Variants in RNFT2 observed in about 807,000 individuals in gnomAD.
RNFT2 encodes the protein ring finger protein, transmembrane 2, also known as E3 ubiquitin-protein ligase RNFT2.
RNFT2 carries 36 observed loss-of-function variants against 53.0 expected under a neutral mutation model. The observed-to-expected ratio is 0.68, with a 90% CI of 0.52 to 0.90. The LOEUF (loss-of-function observed/expected upper bound fraction) is 0.90, where lower values mean the gene tolerates loss of function less well. RNFT2 is among the 40% of genes least tolerant of loss of function. The pLI, the probability that RNFT2 is intolerant of heterozygous loss-of-function variation, is 0.00. For missense variants in RNFT2, 514 were observed against 585.6 expected, an observed-to-expected ratio of 0.88 and a Z score of 1.26; for synonymous variants, 260 against 253.2, an observed-to-expected ratio of 1.03 and a Z score of -0.26.
At chr12:116,804,510 A>C (rs1874952950) in intron 7 of RNFT2, among the ~76,000 whole-genome samples, 1 of 152,178 alleles carries the variant, frequency 6.6e-6, no homozygotes. Flanking sequence ...CCCCTAACTC[A>C]TGAGCAATTA....
chr12:116,820,271 A>G (rs1474422700), intron 7 of RNFT2, among the ~76,000 whole-genome samples: 2 of 152,156 alleles, frequency 1.3e-5, no homozygotes, highest in Admixed American at 6.5e-5. Context: ...TTGTAGAGAC[A>G]GGATTTCATT....
At chr12:116,814,257 G>C (rs562864417) in intron 7 of RNFT2, among the ~76,000 whole-genome samples, 1 of 152,248 alleles carries the variant, frequency 6.6e-6, no homozygotes, top group Non-Finnish European at 1.5e-5. Flanking sequence ...CCAGGACTAG[G>C]TCCCAGAAAT....
At chr12:116,806,367 CA>C (rs139305837) in intron 7 of RNFT2, among the ~76,000 whole-genome samples, 3,202 of 113,772 alleles carry the variant, frequency 0.028, 54 homozygotes, top group East Asian at 0.087. Flanking sequence ...GAGACTGTCT[CA>C]AAAAAAAAAA....
intron 7 of RNFT2, among the ~76,000 whole-genome samples, chr12:116,787,393 C>T (rs1873984999): frequency 6.6e-6 from 1 of 152,230 alleles, no homozygotes; most frequent in East Asian, 1.9e-4. Flanking sequence ...TTAACAGTAG[C>T]GTTCTTTAGA....
chr12:116,745,086 G>A (rs950077438), intron 3 of RNFT2, among the ~76,000 whole-genome samples: 3 of 151,874 alleles, frequency 2.0e-5, no homozygotes, highest in Admixed American at 6.6e-5. Context: ...TGGAGGAGGA[G>A]CGCATATTTC....
intron 7 of RNFT2, among the ~76,000 whole-genome samples, chr12:116,802,600 C>T (rs901924575): frequency 1.5e-4 from 23 of 152,186 alleles, no homozygotes; most frequent in African/African-American, 5.5e-4. Flanking sequence ...AACAATGCCA[C>T]CAGCCACCAG....
At chr12:116,788,955 G>GGGAT (rs10579273) in intron 7 of RNFT2, among the ~76,000 whole-genome samples, 107 of 138,004 alleles carry the variant, frequency 7.8e-4, no homozygotes, top group Admixed American at 2.0e-3. Context: ...TGGGAGGAGA[G>GGGAT]GGATGGATGG....
At chr12:116,763,638 A>G (rs1225019667) in intron 5 of RNFT2, among the ~76,000 whole-genome samples, 2 of 149,482 alleles carry the variant, frequency 1.3e-5, no homozygotes, top group Non-Finnish European at 1.5e-5. Context: ...AATTAGCTGG[A>G]TGTGGTGGCA....
chr12:116,819,295 TCTC>T, intron 7 of RNFT2, among the ~76,000 whole-genome samples: 1 of 152,114 alleles, frequency 6.6e-6, no homozygotes, highest in Non-Finnish European at 1.5e-5. Flanking sequence ...CAAACTGAGA[TCTC>T]CTTTGTCCGC....
chr12:116,760,944 C>T (rs750888806), intron 5 of RNFT2, among the ~76,000 whole-genome samples: 1 of 151,748 alleles, frequency 6.6e-6, no homozygotes, highest in Non-Finnish European at 1.5e-5. Context: ...AGTGGCATGA[C>T]CATAGCTCAT....
intron 10 of RNFT2, among the ~76,000 whole-genome samples, chr12:116,841,954 T>TAG (rs1292152384): frequency 4.1e-4 from 8 of 19,722 alleles, no homozygotes; most frequent in African/African-American, 6.9e-4. Context: ...TATAAATATA[T>TAG]ATATAGAGAG....
At chr12:116,844,827 G>T (rs1197137340) in intron 10 of RNFT2, among the ~76,000 whole-genome samples, 1 of 152,280 alleles carries the variant, frequency 6.6e-6, no homozygotes, top group Non-Finnish European at 1.5e-5. Flanking sequence ...ATTCTCCTAT[G>T]TAAGTACCTC....
intron 7 of RNFT2, among the ~76,000 whole-genome samples, chr12:116,818,138 G>T (rs1024381111): frequency 1.3e-5 from 2 of 152,056 alleles, no homozygotes; most frequent in Admixed American, 6.6e-5. Context: ...CAACACAGGG[G>T]AGACCCCCTC....
intron 10 of RNFT2, among the ~76,000 whole-genome samples, chr12:116,847,054 G>A (rs550422418): frequency 6.6e-5 from 10 of 151,956 alleles, no homozygotes; most frequent in African/African-American, 1.9e-4. Context: ...GACTATAGGC[G>A]TGTGCCACCA....
In RNFT2 at chr12:116,750,881, T is replaced by TA. The variant is rs1438371204; in HGVS notation, c.550+574_550+575insA. Among the ~76,000 whole-genome samples, 233 of 93,044 alleles carry TA rather than the reference T, an allele frequency of 2.5e-3. 12 individuals carry two copies. Among genetic ancestry groups the TA allele is most frequent in the Admixed American group, 6.2e-3 (47 of 7,606 alleles). The allele number at this position is 93,044 out of a possible 152,430, so 61.0% of individuals were successfully genotyped here. ...ATATTATATATATATAATATATATA[T>TA]TATATATATAATATATATATATATA... On this transcript the variant is annotated intron_variant, in intron 4 of 10. Coordinates refer to ENST00000257575, the MANE Select transcript of RNFT2 (RefSeq NM_001382266.1).
chr12:116,837,335 A>G (rs1182329682), intron 10 of RNFT2, among the ~76,000 whole-genome samples: 3 of 151,956 alleles, frequency 2.0e-5, no homozygotes, highest in African/African-American at 7.3e-5. Flanking sequence ...ACTGTGAAGC[A>G]AGGCAGGCAG....
chr12:116,811,365 A>G (rs1326401157), intron 7 of RNFT2, among the ~76,000 whole-genome samples: 1 of 127,920 alleles, frequency 7.8e-6, no homozygotes, highest in East Asian at 2.5e-4. Context: ...TAAATGCTCA[A>G]TGGGTGTATT....
chr12:116,853,270 G>A lies in RNFT2; in HGVS notation c.*3822G>A, dbSNP rs759375442. ...TCATTTGTTGTAAGTAGGGTTAATC[G>A]AGTATCAGGTTCACAGTATCCTGCC... On this transcript the variant is annotated 3_prime_UTR_variant, in exon 11 of 11. Coordinates refer to ENST00000257575, the MANE Select transcript of RNFT2 (RefSeq NM_001382266.1). 125 of 398,514 alleles carry A rather than the reference G, an allele frequency of 3.1e-4. No homozygotes were observed. The highest frequency in any genetic ancestry group is 4.6e-4 in the Non-Finnish European group (103 of 226,156). 24.7% of individuals were successfully genotyped at this position (398,514 alleles called of 1,614,324 possible).
intron 7 of RNFT2, among the ~76,000 whole-genome samples, chr12:116,787,214 A>C (rs904621949): frequency 3.2e-4 from 48 of 152,080 alleles, no homozygotes; most frequent in African/African-American, 1.1e-3. Context: ...TGAAAATCCA[A>C]CTCTTCCAAC....
Sources: gnomAD v4.1 joint callset for allele counts (sites outside exome capture counted in the v4.1 genomes callset) on GRCh38, gnomAD v4.1.1 for gene constraint, MANE v1.5 for transcripts, NCBI Gene and HGNC (gene_info 2026-07-23, HGNC 2026-07-21) for gene names.